The following XIST variants were observed in gnomAD, a reference collection of about 807,000 sequenced individuals.
XIST encodes X inactive specific transcript.
At chrX:73,828,994 C>T in intron 5 of XIST, 1 of 488,337 alleles carries the variant, frequency 2.0e-6, no homozygotes, top group African/African-American at 2.3e-5. Context: ...CCCCATCCAA[C>T]ACCAGCTCCC....
intron 5 of XIST, chrX:73,828,157 G>C (rs2147698113): frequency 2.5e-6 from 1 of 402,036 alleles, no homozygotes; most frequent in East Asian, 3.9e-5. Flanking sequence ...ACTACTTATA[G>C]TACTACAATA....
chrX:73,847,067 G>A (rs745406285), exon 1 of XIST: 1 of 559,188 alleles, frequency 1.8e-6, no homozygotes, highest in Admixed American at 2.2e-5. Context: ...CTAAGATTAT[G>A]CACGCTAACT....
chrX:73,846,357 G>T, exon 1 of XIST: 1 of 559,253 alleles, frequency 1.8e-6, no homozygotes, highest in Non-Finnish European at 3.2e-6. Flanking sequence ...AGAGTCTTAT[G>T]GAGTGGGCAC....
At chrX:73,844,586 G>GT in exon 1 of XIST, 1 of 559,303 alleles carries the variant, frequency 1.8e-6, no homozygotes, top group East Asian at 3.2e-5. Context: ...TTGTCCAAAT[G>GT]TAAGGGTCTT....
chrX:73,822,060 AAT>A, exon 6 of XIST: 3 of 558,269 alleles, frequency 5.4e-6, no homozygotes, highest in Non-Finnish European at 9.7e-6. Context: ...AAGAACTGAA[AAT>A]AGACAAACCT....
chrX:73,823,608 G>A (rs1476320705), exon 6 of XIST: 5 of 558,415 alleles, frequency 9.0e-6, no homozygotes, highest in South Asian at 6.7e-5. Flanking sequence ...GTCAAGGTGG[G>A]TCTAATTCAC....
intron 1 of XIST, chrX:73,841,224 G>A (rs1922580024): frequency 2.8e-6 from 1 of 362,792 alleles, no homozygotes; most frequent in South Asian, 8.3e-5. Context: ...ATGCATGTAT[G>A]TATGTATCTA....
exon 1 of XIST, chrX:73,844,649 A>C (rs751263491): frequency 1.8e-6 from 1 of 557,479 alleles, no homozygotes; most frequent in East Asian, 3.3e-5. Flanking sequence ...CGTAGATGGG[A>C]TGGGGCAGAG....
exon 1 of XIST, chrX:73,847,099 G>A (rs774132835): frequency 1.8e-6 from 1 of 559,329 alleles, no homozygotes; most frequent in Non-Finnish European, 3.2e-6. Context: ...AGGGTCTTAA[G>A]TAGTAGGTAC....
rs370005431 is a variant in XIST at position 73,844,049 on chromosome X, A to G, written n.8675T>C. 1.4e-5 allele frequency: 8 copies of G among 557,224 alleles called. No homozygotes were observed. The African/African-American group carries it at 1.8e-4, about 12-fold the overall frequency. 45.9% of individuals were successfully genotyped at this position (557,224 alleles called of 1,213,427 possible). On this transcript the variant is annotated non_coding_transcript_exon_variant, in exon 1 of 6. Coordinates refer to ENST00000429829, the Ensembl canonical transcript of XIST. Reference sequence around the variant, plus strand: ...GGGTTGTGGACAACTGCAATTATTCACATTAACTGTTCAAATGTAAAGATC... The same window carrying G: ...GGGTTGTGGACAACTGCAATTATTCGCATTAACTGTTCAAATGTAAAGATC...
exon 1 of XIST, chrX:73,849,675 T>C: frequency 1.8e-6 from 1 of 558,051 alleles, no homozygotes; most frequent in Non-Finnish European, 3.2e-6. Flanking sequence ...TAACTGAAAA[T>C]GGTCAAGGAG....
intron 2 of XIST, among the ~76,000 whole-genome samples, chrX:73,836,397 A>T (rs1399825350): frequency 9.0e-6 from 1 of 111,406 alleles, no homozygotes; most frequent in Non-Finnish European, 1.9e-5. Flanking sequence ...CAAATGTCAA[A>T]CACTCACTAC....
At chrX:73,841,434 G>T (rs765763072) in exon 1 of XIST, 3 of 553,088 alleles carry the variant, frequency 5.4e-6, no homozygotes, top group Non-Finnish European at 9.8e-6. Context: ...GGAGCTAGTA[G>T]GGCAAACTGC....
exon 1 of XIST, chrX:73,845,781 G>T: frequency 2.3e-6 from 1 of 428,682 alleles, no homozygotes; most frequent in East Asian, 5.0e-5. Context: ...TATGGAGGGG[G>T]CACTCCCTGC....
chrX:73,821,164 A>G (rs1922106405), exon 6 of XIST: 1 of 555,899 alleles, frequency 1.8e-6, no homozygotes. Flanking sequence ...AATATTTCAA[A>G]TCTGATGTCT....
In XIST at chrX:73,822,860, C is replaced by T. The variant is rs375186074; in HGVS notation, n.17041G>A. 68 of 557,043 alleles carry T rather than the reference C, an allele frequency of 1.2e-4. No homozygotes were observed. In the African/African-American group the frequency reaches 1.4e-3, roughly 11 times the overall value. The allele number at this position is 557,043 out of a possible 1,213,427, so 45.9% of individuals were successfully genotyped here. A position where few individuals can be genotyped will look rare whatever the true frequency, so the allele number is the denominator to read the frequency against. On this transcript the variant is annotated non_coding_transcript_exon_variant, in exon 6 of 6. Transcript: ENST00000429829. ...GATCTGTTTAGTTTTTCCTTAGTAT[C>T]GAACATATCACAGCTACTCAATGAA...
intron 4 of XIST, chrX:73,829,569 T>A: frequency 7.2e-6 from 1 of 137,934 alleles, no homozygotes; most frequent in South Asian, 2.1e-4. Context: ...GGTGGGCGGA[T>A]CACCTGAGGT....
exon 1 of XIST, chrX:73,843,193 G>C (rs1438747389): frequency 1.8e-6 from 1 of 556,571 alleles, no homozygotes; most frequent in Admixed American, 2.2e-5. Context: ...AGCAGCCCCT[G>C]CAGTAATGCA....
exon 6 of XIST, chrX:73,823,998 G>C (rs1307702761): frequency 1.8e-6 from 1 of 552,804 alleles, no homozygotes; most frequent in Admixed American, 2.2e-5. Context: ...TCTACACATA[G>C]ATCTCTGTTG....
Sources: allele counts gnomAD v4.1 joint callset (sites outside exome capture counted in the v4.1 genomes callset), GRCh38; gene constraint gnomAD v4.1.1; transcripts MANE v1.5; gene names NCBI Gene and HGNC (gene_info 2026-07-23, HGNC 2026-07-21).